GRIN3A: variants seen among roughly 807,000 people sequenced by gnomAD.
GRIN3A encodes glutamate ionotropic receptor NMDA type subunit 3A, also known as glutamate receptor ionotropic, NMDA 3A.
GRIN3A carries 47 observed loss-of-function variants against 92.4 expected under a neutral mutation model. The observed-to-expected ratio is 0.51, with a 90% confidence interval of 0.40 to 0.65. GRIN3A has a LOEUF of 0.65. Ranked by LOEUF, GRIN3A falls within the 30% of genes least tolerant of loss-of-function variation. The probability of loss-of-function intolerance (pLI) is 0.00; values close to 1 mark genes in which losing one functional copy is unlikely to be tolerated. For missense variants in GRIN3A, 1,324 were observed against 1,393.1 expected (o/e 0.95, Z 0.79); for synonymous variants, 527 against 540.6 (o/e 0.97, Z 0.35).
chr9:101,610,100 G>A (rs116262676), intron 6 of GRIN3A, among the ~76,000 whole-genome samples: 470 of 152,316 alleles, frequency 3.1e-3, no homozygotes, highest in African/African-American at 0.01. Context: ...TTTGGCACAG[G>A]TTAGGCAACT....
At chr9:101,679,756 G>A (rs887123405) in intron 2 of GRIN3A, among the ~76,000 whole-genome samples, 2 of 152,100 alleles carry the variant, frequency 1.3e-5, no homozygotes, top group African/African-American at 4.8e-5. Context: ...TGTTCTTCTC[G>A]GGACTCCAGG....
At chr9:101,592,136 C>T (rs1238833849) in intron 6 of GRIN3A, 1 of 152,182 alleles carries the variant, frequency 6.6e-6, no homozygotes, top group African/African-American at 2.4e-5. Flanking sequence ...CTCCAGTTCT[C>T]AGGTCAGAAA....
At chr9:101,724,393 C>T (rs935983032) in intron 1 of GRIN3A, among the ~76,000 whole-genome samples, 5 of 152,246 alleles carry the variant, frequency 3.3e-5, no homozygotes, top group African/African-American at 1.2e-4. Context: ...CCGGCAGGGC[C>T]GGCCCGCTGC....
intron 5 of GRIN3A, among the ~76,000 whole-genome samples, chr9:101,615,830 A>G (rs1828443406): frequency 6.7e-6 from 1 of 148,504 alleles, no homozygotes; most frequent in Non-Finnish European, 1.5e-5. Flanking sequence ...TGTTGTTGAA[A>G]ACTATTGACC....
At chr9:101,699,566 T>C (rs953279333) in intron 1 of GRIN3A, among the ~76,000 whole-genome samples, 2 of 152,212 alleles carry the variant, frequency 1.3e-5, no homozygotes, top group African/African-American at 4.8e-5. Context: ...CCTTATATCA[T>C]AGTCTAGCAT....
intron 6 of GRIN3A, among the ~76,000 whole-genome samples, chr9:101,585,501 C>G (rs922645254): frequency 1.3e-5 from 2 of 152,144 alleles, no homozygotes; most frequent in Non-Finnish European, 2.9e-5. Context: ...AAAGCAAACT[C>G]CTAATTTTCC....
intron 3 of GRIN3A, among the ~76,000 whole-genome samples, chr9:101,640,617 A>C (rs1828844761): frequency 6.6e-6 from 1 of 152,134 alleles, no homozygotes; most frequent in Non-Finnish European, 1.5e-5. Flanking sequence ...GTCCCCACGC[A>C]GATCTCAAGT....
chr9:101,680,886 G>A (rs1369867635), intron 2 of GRIN3A, among the ~76,000 whole-genome samples: 1 of 152,196 alleles, frequency 6.6e-6, no homozygotes, highest in Non-Finnish European at 1.5e-5. Flanking sequence ...GTTCAAAGAA[G>A]AAAAGGAGGA....
intron 1 of GRIN3A, among the ~76,000 whole-genome samples, chr9:101,709,958 T>C (rs1245891668): frequency 1.3e-5 from 2 of 152,186 alleles, no homozygotes; most frequent in African/African-American, 2.4e-5. Flanking sequence ...AAGTGTTGCT[T>C]GGATGCCTTG....
chr9:101,600,513 A>G (rs1564123253), intron 6 of GRIN3A, among the ~76,000 whole-genome samples: 1 of 152,176 alleles, frequency 6.6e-6, no homozygotes, highest in Non-Finnish European at 1.5e-5. Flanking sequence ...TGAGAAGTAC[A>G]TGGTACCAGG....
At chr9:101,735,634 C>T (rs1041046388) in intron 1 of GRIN3A, among the ~76,000 whole-genome samples, 2 of 151,722 alleles carry the variant, frequency 1.3e-5, no homozygotes, top group African/African-American at 2.4e-5. Flanking sequence ...TGGCCACTTA[C>T]GAAGTATTAG....
chr9:101,634,347 A>G (rs986764235), intron 3 of GRIN3A, among the ~76,000 whole-genome samples: 1 of 150,364 alleles, frequency 6.7e-6, no homozygotes, highest in East Asian at 1.9e-4. Flanking sequence ...AAAAAAAAAA[A>G]AAAAAGAAAA....
chr9:101,689,851 A>G (rs955702915), intron 1 of GRIN3A, among the ~76,000 whole-genome samples: 5 of 152,340 alleles, frequency 3.3e-5, no homozygotes, highest in Middle Eastern at 3.4e-3. Context: ...CAAAAATTAA[A>G]CAAGACCTAT....
chr9:101,691,972 G>GT (rs1233575595), intron 1 of GRIN3A, among the ~76,000 whole-genome samples: 2 of 152,170 alleles, frequency 1.3e-5, no homozygotes, highest in Non-Finnish European at 2.9e-5. Flanking sequence ...AGAATTAAAT[G>GT]TAAGAATGTG....
At chr9:101,728,624 C>T (rs1239437510) in intron 1 of GRIN3A, among the ~76,000 whole-genome samples, 1 of 152,064 alleles carries the variant, frequency 6.6e-6, no homozygotes, top group African/African-American at 2.4e-5. Context: ...TGCCAGTGCC[C>T]AGTTAGAGTG....
intron 3 of GRIN3A, among the ~76,000 whole-genome samples, chr9:101,632,651 T>A (rs1383887498): frequency 1.3e-5 from 2 of 152,172 alleles, no homozygotes; most frequent in African/African-American, 2.4e-5. Flanking sequence ...CTTCTTTCTT[T>A]CTCTGTGTGA....
chr9:101,579,112 A>T, intron 7 of GRIN3A, 84 bp downstream of exon 7: 1 of 1,369,924 alleles, frequency 7.3e-7, no homozygotes, highest in Non-Finnish European at 1.0e-6. Flanking sequence ...ATAACTTAGT[A>T]GTCTGACATA....
intron 3 of GRIN3A, among the ~76,000 whole-genome samples, chr9:101,629,935 T>C (rs968123934): frequency 2.6e-5 from 4 of 152,200 alleles, no homozygotes; most frequent in Non-Finnish European, 2.9e-5. Context: ...TCTTGCATTC[T>C]AGCTCATGAC....
chr9:101,592,525 A>G (rs1472209408), intron 6 of GRIN3A: 1 of 152,186 alleles, frequency 6.6e-6, no homozygotes, highest in African/African-American at 2.4e-5. Flanking sequence ...GAGTGTGATA[A>G]CAACCCAGTT....
Sources: allele counts gnomAD v4.1 joint callset (sites outside exome capture counted in the v4.1 genomes callset), GRCh38; gene constraint gnomAD v4.1.1; transcripts MANE v1.5; gene names NCBI Gene and HGNC (gene_info 2026-07-23, HGNC 2026-07-21).